The following CNTN3 variants were observed in gnomAD, a reference collection of about 807,000 sequenced individuals.
CNTN3 encodes the protein contactin 3, also known as contactin-3.
Under a neutral mutation model 119.1 loss-of-function variants are expected in CNTN3, and 60 were observed. The observed-to-expected ratio is 0.50, with a 90% CI of 0.41 to 0.62. The LOEUF (loss-of-function observed/expected upper bound fraction) is 0.62. Ranked by LOEUF, CNTN3 falls within the 20% of genes least tolerant of loss-of-function variation. The pLI is 0.00. For missense variants in CNTN3, 1,101 were observed against 1,242.4 expected, an observed-to-expected ratio of 0.89 and a Z score of 1.71; for synonymous variants, 450 against 438.7, an observed-to-expected ratio of 1.03 and a Z score of -0.32.
chr3:74,476,062 C>T (rs1702648141), intron 4 of CNTN3, among the ~76,000 whole-genome samples: 1 of 152,090 alleles, frequency 6.6e-6, no homozygotes, highest in South Asian at 2.1e-4. Flanking sequence ...GTGACATGCC[C>T]TACGGAGAAA....
intron 1 of CNTN3, among the ~76,000 whole-genome samples, chr3:74,571,480 C>T (rs535391795): frequency 6.6e-5 from 10 of 152,124 alleles, no homozygotes; most frequent in East Asian, 1.9e-4. Context: ...ACCCTGGATA[C>T]GCTACCTCTC....
intron 21 of CNTN3, among the ~76,000 whole-genome samples, chr3:74,266,934 T>C (rs1234212295): frequency 6.6e-6 from 1 of 152,114 alleles, no homozygotes; most frequent in African/African-American, 2.4e-5. Context: ...CCATAGTGTA[T>C]GGACCTTGAA....
intron 1 of CNTN3, among the ~76,000 whole-genome samples, chr3:74,551,270 T>G (rs185569419): frequency 2.2e-4 from 33 of 152,244 alleles, no homozygotes; most frequent in African/African-American, 7.9e-4. Flanking sequence ...TCCACGACAC[T>G]CAGAAGCTGT....
intron 1 of CNTN3, among the ~76,000 whole-genome samples, chr3:74,568,313 T>C (rs941150868): frequency 6.6e-6 from 1 of 152,182 alleles, no homozygotes; most frequent in Non-Finnish European, 1.5e-5. Context: ...TATATGTGTT[T>C]GGGGAAAACA....
chr3:74,597,397 A>G (rs1704831358), intron 1 of CNTN3, among the ~76,000 whole-genome samples: 1 of 151,988 alleles, frequency 6.6e-6, no homozygotes, highest in South Asian at 2.1e-4. Context: ...TTAATGAATA[A>G]AGAGTAACCC....
intron 19 of CNTN3, among the ~76,000 whole-genome samples, chr3:74,286,981 T>C (rs1447015508): frequency 6.6e-6 from 1 of 152,196 alleles, no homozygotes; most frequent in Non-Finnish European, 1.5e-5. Flanking sequence ...GGCTTGTCTG[T>C]CTTGGTTATC....
At position 74,609,390 on chromosome 3, in the gene CNTN3, C is replaced by T. The variant is rs149689078; in HGVS notation, c.-81+5001G>A. Among the ~76,000 whole-genome samples the T allele has an allele frequency of 6.5e-3, 995 of 152,240 alleles. 7 individuals carry two copies. The highest frequency in any genetic ancestry group is 7.4e-3 in the Non-Finnish European group (504 of 68,020). ...AGGTGAGAAGTACTTAAAACCCAGC[C>T]TGGCACATTGCTTGAATGAATGTTC... On this transcript the variant is annotated intron_variant, in intron 1 of 22. Transcript: ENST00000263665.
At chr3:74,326,612 A>G (rs1484947752) in intron 13 of CNTN3, among the ~76,000 whole-genome samples, 1 of 151,998 alleles carries the variant, frequency 6.6e-6, no homozygotes, top group Non-Finnish European at 1.5e-5. Context: ...ATTTTTTGCA[A>G]TTTACCTGGC....
chr3:74,524,996 C>T (rs1025755514), intron 1 of CNTN3, among the ~76,000 whole-genome samples: 1 of 151,726 alleles, frequency 6.6e-6, no homozygotes, highest in Non-Finnish European at 1.5e-5. Flanking sequence ...GGGGGTCAAT[C>T]TTGTATGTCT....
chr3:74,328,347 C>G (rs978459796), intron 13 of CNTN3, among the ~76,000 whole-genome samples: 1 of 151,888 alleles, frequency 6.6e-6, no homozygotes, highest in South Asian at 2.1e-4. Context: ...AAAATTTATC[C>G]TTTTTGCTTT....
intron 4 of CNTN3, among the ~76,000 whole-genome samples, chr3:74,435,082 T>C (rs1221746098): frequency 6.6e-6 from 1 of 152,248 alleles, no homozygotes. Context: ...ACATTAAATT[T>C]GATCAAGTTA....
intron 1 of CNTN3, among the ~76,000 whole-genome samples, chr3:74,540,258 G>A (rs577424698): frequency 3.3e-5 from 5 of 152,262 alleles, no homozygotes; most frequent in East Asian, 1.9e-4. Context: ...GGGGCATGTG[G>A]AGAAGTGTGA....
intron 3 of CNTN3, among the ~76,000 whole-genome samples, chr3:74,497,447 A>G (rs1559633119): frequency 6.6e-6 from 1 of 151,970 alleles, no homozygotes; most frequent in Non-Finnish European, 1.5e-5. Flanking sequence ...CTCAGATAAC[A>G]TGAATAACAA....
At chr3:74,516,613 AG>A (rs1380150289) in intron 2 of CNTN3, among the ~76,000 whole-genome samples, 1 of 150,688 alleles carries the variant, frequency 6.6e-6, no homozygotes, top group African/African-American at 2.5e-5. Context: ...GGGAGTTAAA[AG>A]TTATACATAG....
At chr3:74,328,277 T>A (rs1703177615) in intron 13 of CNTN3, among the ~76,000 whole-genome samples, 1 of 152,188 alleles carries the variant, frequency 6.6e-6, no homozygotes, top group South Asian at 2.1e-4. Flanking sequence ...TGATAAGTTT[T>A]AATCATACAT....
At chr3:74,414,143 A>G (rs1701482694) in intron 5 of CNTN3, among the ~76,000 whole-genome samples, 1 of 152,204 alleles carries the variant, frequency 6.6e-6, no homozygotes, top group Admixed American at 6.5e-5. Context: ...AATTTCAGTT[A>G]CACAACTAGG....
intron 20 of CNTN3, among the ~76,000 whole-genome samples, chr3:74,283,108 CAATA>C (rs1702046694): frequency 6.6e-6 from 1 of 152,042 alleles, no homozygotes; most frequent in African/African-American, 2.4e-5. Context: ...AGCAAAATCA[CAATA>C]AATAAAGGTA....
intron 14 of CNTN3, 28 bp downstream of exon 14, chr3:74,302,662 C>G: frequency 1.5e-6 from 2 of 1,369,994 alleles, no homozygotes; most frequent in Non-Finnish European, 2.1e-6. Flanking sequence ...TGTGAAGTGA[C>G]AAACTCAAGG....
In CNTN3 at chr3:74,521,121, G is replaced by A. The variant is rs758232563; in HGVS notation, c.-9C>T. ...TTCCATGGAAACATCATCTTTAATTGCCAAATGCAAGAGTAACTCTTGTCC... is the reference window on the plus strand; with the variant it reads ...TTCCATGGAAACATCATCTTTAATTACCAAATGCAAGAGTAACTCTTGTCC... On this transcript the variant is annotated 5_prime_UTR_variant, in exon 2 of 23. Transcript: ENST00000263665. The A allele has an allele frequency of 1.9e-6, 3 of 1,584,506 alleles. No individual in the cohort carries two copies. The highest frequency in any genetic ancestry group is 2.7e-5 in the African/African-American group (2 of 73,300).
Sources: gnomAD v4.1 joint callset for allele counts (sites outside exome capture counted in the v4.1 genomes callset) on GRCh38, gnomAD v4.1.1 for gene constraint, MANE v1.5 for transcripts, NCBI Gene and HGNC (gene_info 2026-07-23, HGNC 2026-07-21) for gene names.